CTNNA2: variants seen among roughly 807,000 people sequenced by gnomAD.
CTNNA2 encodes the protein catenin alpha-2.
A neutral mutation model predicts 101.0 loss-of-function variants in CTNNA2; 42 were observed. That is an observed-to-expected ratio of 0.42 (90% CI 0.32 to 0.54). The LOEUF is 0.54. Among genes scored for constraint, CTNNA2 ranks in the 20% least tolerant of loss-of-function variants. The pLI is 0.14. For missense variants in CTNNA2, 871 were observed against 1,223.1 expected (o/e 0.71, Z 4.29); for synonymous variants, 450 against 456.4 (o/e 0.99, Z 0.18).
At chr2:80,389,621 A>G (rs1337994160) in intron 7 of CTNNA2, among the ~76,000 whole-genome samples, 1 of 152,142 alleles carries the variant, frequency 6.6e-6, no homozygotes, top group African/African-American at 2.4e-5. Flanking sequence ...GTAGGACATA[A>G]TGGCTTCCAA....
At chr2:80,071,618 A>G (rs1466808621) in intron 7 of CTNNA2, among the ~76,000 whole-genome samples, 3 of 152,220 alleles carry the variant, frequency 2.0e-5, no homozygotes, top group Non-Finnish European at 2.9e-5. Context: ...ACCCAGACTG[A>G]TAAGTCATTA....
intron 4 of CTNNA2, among the ~76,000 whole-genome samples, chr2:79,414,876 G>T (rs985554388): frequency 6.6e-6 from 1 of 152,066 alleles, no homozygotes; most frequent in Non-Finnish European, 1.5e-5. Flanking sequence ...CATACGAATG[G>T]CCATAGACAA....
At chr2:79,588,358 C>T (rs987029664) in intron 1 of CTNNA2, among the ~76,000 whole-genome samples, 3 of 152,184 alleles carry the variant, frequency 2.0e-5, no homozygotes, top group Non-Finnish European at 2.9e-5. Flanking sequence ...AATATTACTT[C>T]ATACCACTAA....
At chr2:80,450,796 T>G (rs1257354650) in intron 9 of CTNNA2, among the ~76,000 whole-genome samples, 1 of 152,140 alleles carries the variant, frequency 6.6e-6, no homozygotes, top group Admixed American at 6.6e-5. Context: ...ACTGTATTAG[T>G]CTATGGTTTA....
chr2:79,384,170 G>A (rs954561634), intron 4 of CTNNA2, among the ~76,000 whole-genome samples: 33 of 152,248 alleles, frequency 2.2e-4, no homozygotes, highest in Middle Eastern at 3.4e-3. Flanking sequence ...AACAATCAGC[G>A]TAAATTGCAG....
rs948289556 is a variant in CTNNA2 at position 79,651,580 on chromosome 2, C to T, written c.24C>T (p.Ile8=). ...GCATGACTTCGGCAACTTCACCTAT[C>T]ATTCTGAAATGGGACCCCAAAAGTT... is the stretch of plus-strand genomic sequence containing the variant. MTSATSP[I]ILKWDPKSLE... is the part of the protein sequence containing the mutation. The change falls in exon 2 of 19, where the codon ATC becomes ATT. Residue 8 remains isoleucine (I), a synonymous_variant. Coordinates refer to ENST00000402739, the MANE Select transcript of CTNNA2 (RefSeq NM_001282597.3). 4 of 1,613,832 alleles carry T rather than the reference C, an allele frequency of 2.5e-6. No individual in the cohort carries two copies. Among genetic ancestry groups the T allele is most frequent in the Non-Finnish European group, 2.5e-6 (3 of 1,179,828 alleles).
chr2:80,099,036 C>A (rs1700366515), intron 7 of CTNNA2, among the ~76,000 whole-genome samples: 1 of 151,956 alleles, frequency 6.6e-6, no homozygotes, highest in South Asian at 2.1e-4. Flanking sequence ...CCGGCACTCC[C>A]CAGTGAGATG....
At chr2:79,552,985 C>A (rs1284419359) in intron 1 of CTNNA2, among the ~76,000 whole-genome samples, 2 of 152,210 alleles carry the variant, frequency 1.3e-5, no homozygotes, top group African/African-American at 2.4e-5. Flanking sequence ...ATGCAAATTT[C>A]TGCAGCTGGC....
chr2:79,475,529 C>G (rs4852490), intron 4 of CTNNA2, among the ~76,000 whole-genome samples: 103,385 of 151,440 alleles, frequency 0.68, 35,383 homozygotes, highest in African/African-American at 0.7. Flanking sequence ...CTAATATGAA[C>G]CATCCAAAGA....
At chr2:80,089,835 A>T (rs1699673285) in intron 7 of CTNNA2, among the ~76,000 whole-genome samples, 1 of 151,968 alleles carries the variant, frequency 6.6e-6, no homozygotes, top group South Asian at 2.1e-4. Flanking sequence ...TTACCAAATG[A>T]ACAAAGAAAT....
chr2:79,573,557 G>A (rs1417108502), intron 1 of CTNNA2, among the ~76,000 whole-genome samples: 2 of 152,194 alleles, frequency 1.3e-5, no homozygotes, highest in Non-Finnish European at 2.9e-5. Flanking sequence ...GGTTTCAGCT[G>A]CAAACCAAAT....
intron 2 of CTNNA2, among the ~76,000 whole-genome samples, chr2:79,246,269 T>C (rs535670875): frequency 2.0e-5 from 3 of 152,340 alleles, no homozygotes; most frequent in Non-Finnish European, 4.4e-5. Flanking sequence ...CCTATAGTTC[T>C]ATCTGGACAC....
rs143942152 is a variant in CTNNA2, at chr2:80,445,558, G to C, written c.1290+25957G>C. ...GGTTCTCAAACTTTCCTGTGTATAA[G>C]AGTCACCAAGGGGAACATAGTAAAA... On this transcript the variant is annotated intron_variant, in intron 9 of 18. Coordinates refer to ENST00000402739, the MANE Select transcript of CTNNA2 (RefSeq NM_001282597.3). Among the ~76,000 whole-genome samples, 203 of 152,232 alleles carry C rather than the reference G, an allele frequency of 1.3e-3. 1 individual carries two copies. The highest frequency in any genetic ancestry group is 4.5e-3 in the African/African-American group (188 of 41,542).
At chr2:80,086,892 G>T (rs772792851) in intron 7 of CTNNA2, among the ~76,000 whole-genome samples, 2 of 151,974 alleles carry the variant, frequency 1.3e-5, no homozygotes, top group Admixed American at 6.6e-5. Context: ...CATACCACTG[G>T]GAGGCCGCAG....
chr2:80,165,080 T>C (rs1441779733), intron 7 of CTNNA2, among the ~76,000 whole-genome samples: 1 of 151,952 alleles, frequency 6.6e-6, no homozygotes, highest in East Asian at 1.9e-4. Context: ...TAACTTTATA[T>C]TTCCAGACAC....
intron 2 of CTNNA2, among the ~76,000 whole-genome samples, chr2:79,294,683 A>G (rs1273156626): frequency 6.6e-6 from 1 of 152,186 alleles, no homozygotes; most frequent in Non-Finnish European, 1.5e-5. Context: ...TGAATTTTGC[A>G]TAATATTTCA....
At chr2:79,836,730 A>ATC (rs1281436577) in intron 3 of CTNNA2, among the ~76,000 whole-genome samples, 1 of 151,664 alleles carries the variant, frequency 6.6e-6, no homozygotes, top group African/African-American at 2.4e-5. Context: ...GTCATATGTG[A>ATC]TCTCCCCTTG....
intron 4 of CTNNA2, among the ~76,000 whole-genome samples, chr2:79,450,113 C>T (rs998165351): frequency 2.6e-5 from 4 of 151,526 alleles, no homozygotes; most frequent in Non-Finnish European, 5.9e-5. Flanking sequence ...CTCAGAAATA[C>T]GTGACACAGC....
chr2:80,374,246 A>G lies in CTNNA2; in HGVS notation c.1057-18965A>G, dbSNP rs1675714986. On this transcript the variant is annotated intron_variant, in intron 7 of 18. Transcript: ENST00000402739. ...CTCTCTTTCCACCCTGGTAGTTCCT[A>G]GTATCTATTGTTTCCATCTTTCTGT... 2.0e-5 allele frequency among the ~76,000 whole-genome samples: 3 copies of G among 152,006 alleles called. No individual in the cohort carries two copies. In the South Asian group the frequency reaches 6.2e-4, roughly 32 times the overall value.
Sources: allele counts gnomAD v4.1 joint callset (sites outside exome capture counted in the v4.1 genomes callset), GRCh38; gene constraint gnomAD v4.1.1; transcripts MANE v1.5; gene names NCBI Gene and HGNC (gene_info 2026-07-23, HGNC 2026-07-21).